BRINP3: variants seen among roughly 807,000 people sequenced by gnomAD.
BRINP3 encodes the protein BMP/retinoic acid-inducible neural-specific protein 3.
In BRINP3, 19 loss-of-function variants were observed where a neutral mutation model predicts 71.0. The observed-to-expected ratio is 0.27, with a 90% CI of 0.19 to 0.39. The LOEUF (loss-of-function observed/expected upper bound fraction) is 0.39. Ranked by LOEUF, BRINP3 falls within the 10% of genes least tolerant of loss-of-function variation. BRINP3 has a pLI of 1.00. For missense variants in BRINP3, 959 were observed against 940.8 expected (o/e 1.02, Z -0.25); for synonymous variants, 380 against 337.7 (o/e 1.13, Z -1.37).
intron 2 of BRINP3, among the ~76,000 whole-genome samples, chr1:190,385,291 A>G (rs1189771965): frequency 6.6e-6 from 1 of 152,216 alleles, no homozygotes; most frequent in African/African-American, 2.4e-5. Context: ...GAGTGAACAG[A>G]CAGCCTACAA....
At chr1:190,272,915 A>G (rs1484704567) in intron 3 of BRINP3, among the ~76,000 whole-genome samples, 1 of 151,552 alleles carries the variant, frequency 6.6e-6, no homozygotes, top group East Asian at 1.9e-4. Flanking sequence ...AACAGAGCAC[A>G]TGACTATTTG....
intron 2 of BRINP3, among the ~76,000 whole-genome samples, chr1:190,454,206 C>A (rs377322307): frequency 5.3e-5 from 8 of 152,118 alleles, no homozygotes; most frequent in South Asian, 4.1e-4. Flanking sequence ...AGCTTCTGAA[C>A]GTACAATTAC....
intron 2 of BRINP3, among the ~76,000 whole-genome samples, chr1:190,444,531 AT>A: frequency 6.6e-6 from 1 of 151,438 alleles, no homozygotes; most frequent in East Asian, 1.9e-4. Context: ...ATTTTTATTT[AT>A]TTTTTTATTT....
At chr1:190,225,542 T>C (rs1445348702) in intron 6 of BRINP3, among the ~76,000 whole-genome samples, 2 of 152,018 alleles carry the variant, frequency 1.3e-5, no homozygotes, top group African/African-American at 2.4e-5. Flanking sequence ...ATTTATTAAG[T>C]GTGCTTAAAA....
At chr1:190,226,920 A>G (rs1571419741) in intron 5 of BRINP3, among the ~76,000 whole-genome samples, 2 of 152,036 alleles carry the variant, frequency 1.3e-5, no homozygotes, top group African/African-American at 4.8e-5. Context: ...ATTTTTTGCC[A>G]TGTGTCAACA....
chr1:190,251,955 G>A lies in BRINP3; in HGVS notation c.618+12910C>T, dbSNP rs535306096. 8.6e-5 allele frequency among the ~76,000 whole-genome samples: 13 copies of A among 151,448 alleles called. No homozygotes were observed. In the South Asian group the frequency reaches 2.7e-3, roughly 31 times the overall value. ...TTCAGACAATGATGATTAATAAAAA[G>A]ATGATTTTGAAAACATTGAGTTCTT... is the stretch of plus-strand genomic sequence containing the variant. On this transcript the variant is annotated intron_variant, in intron 4 of 7. Coordinates refer to ENST00000367462, the MANE Select transcript of BRINP3 (RefSeq NM_199051.3).
At chr1:190,147,840 T>C (rs1656024183) in intron 7 of BRINP3, among the ~76,000 whole-genome samples, 1 of 152,186 alleles carries the variant, frequency 6.6e-6, no homozygotes, top group African/African-American at 2.4e-5. Context: ...GAAGCCAATC[T>C]GTGGTCCAGA....
intron 2 of BRINP3, among the ~76,000 whole-genome samples, chr1:190,305,656 C>G (rs1429853773): frequency 6.6e-6 from 1 of 151,540 alleles, no homozygotes; most frequent in Admixed American, 6.6e-5. Context: ...GCAATAAGTT[C>G]TGATGTTCTA....
At chr1:190,419,815 T>C (rs572396156) in intron 2 of BRINP3, among the ~76,000 whole-genome samples, 1 of 151,294 alleles carries the variant, frequency 6.6e-6, no homozygotes, top group East Asian at 1.9e-4. Flanking sequence ...AGCAAAATAC[T>C]GGTGTATCAA....
chr1:190,353,750 A>G (rs905475747), intron 2 of BRINP3, among the ~76,000 whole-genome samples: 1 of 151,930 alleles, frequency 6.6e-6, no homozygotes, highest in Non-Finnish European at 1.5e-5. Context: ...CATCATGCCT[A>G]CGTCACCAAA....
At chr1:190,128,475 C>T (rs1240130988) in intron 7 of BRINP3, among the ~76,000 whole-genome samples, 1 of 151,758 alleles carries the variant, frequency 6.6e-6, no homozygotes, top group Non-Finnish European at 1.5e-5. Flanking sequence ...TGTATGTCTA[C>T]ATCAAATGGA....
At chr1:190,399,636 T>G (rs1460749182) in intron 2 of BRINP3, among the ~76,000 whole-genome samples, 1 of 152,026 alleles carries the variant, frequency 6.6e-6, no homozygotes, top group African/African-American at 2.4e-5. Flanking sequence ...AATGTTTCCT[T>G]GTGTCGACCA....
intron 2 of BRINP3, among the ~76,000 whole-genome samples, chr1:190,400,308 A>G (rs965986879): frequency 2.0e-5 from 3 of 152,154 alleles, no homozygotes; most frequent in East Asian, 1.9e-4. Context: ...ATTCGGAATA[A>G]ATAAGTCACA....
intron 4 of BRINP3, among the ~76,000 whole-genome samples, chr1:190,257,128 A>C (rs1450725932): frequency 6.6e-6 from 1 of 152,138 alleles, no homozygotes; most frequent in African/African-American, 2.4e-5. Flanking sequence ...TACACCAATC[A>C]AACGTAGATT....
In BRINP3 at chr1:190,400,416, A is replaced by G. The variant is rs542070983; in HGVS notation, c.236+54239T>C. 1.1e-4 allele frequency among the ~76,000 whole-genome samples: 16 copies of G among 152,284 alleles called. No homozygotes were observed. In the South Asian group the frequency reaches 3.3e-3, roughly 32 times the overall value. ...TCAACTCTACTGATTAATGTAGTAA[A>G]GAAAAAAAGTTACTGGGTGATGTGT... On this transcript the variant is annotated intron_variant, in intron 2 of 7. Coordinates refer to ENST00000367462, the MANE Select transcript of BRINP3 (RefSeq NM_199051.3).
At chr1:190,177,197 C>T (rs1027127003) in intron 6 of BRINP3, among the ~76,000 whole-genome samples, 1 of 112,038 alleles carries the variant, frequency 8.9e-6, no homozygotes, top group Admixed American at 1.3e-4. Context: ...GAGTCTCACT[C>T]TGTCACCCAG....
chr1:190,142,525 C>T (rs1207935160), intron 7 of BRINP3, among the ~76,000 whole-genome samples: 1 of 152,070 alleles, frequency 6.6e-6, no homozygotes, highest in African/African-American at 2.4e-5. Flanking sequence ...GTGTATTGAT[C>T]TCTGTTTTTA....
At chr1:190,114,824 T>C (rs1270686840) in intron 7 of BRINP3, among the ~76,000 whole-genome samples, 2 of 152,150 alleles carry the variant, frequency 1.3e-5, no homozygotes, top group Non-Finnish European at 2.9e-5. Flanking sequence ...CACATTTGCT[T>C]CTCTATCTGA....
At chr1:190,410,754 A>C (rs1672611754) in intron 2 of BRINP3, among the ~76,000 whole-genome samples, 1 of 152,158 alleles carries the variant, frequency 6.6e-6, no homozygotes, top group Non-Finnish European at 1.5e-5. Flanking sequence ...CAATGCAGCT[A>C]AAGGTAAAGT....
Sources: allele counts gnomAD v4.1 joint callset (sites outside exome capture counted in the v4.1 genomes callset), GRCh38; gene constraint gnomAD v4.1.1; transcripts MANE v1.5; gene names NCBI Gene and HGNC (gene_info 2026-07-23, HGNC 2026-07-21).